The following CEP131 variants were observed in gnomAD, a reference collection of about 807,000 sequenced individuals.
CEP131 encodes the protein centrosomal protein of 131 kDa.
Under a neutral mutation model 136.8 loss-of-function variants are expected in CEP131, and 99 were observed. That is an observed-to-expected ratio of 0.72 (90% CI 0.62 to 0.86). CEP131 has a LOEUF of 0.86. Among genes scored for constraint, CEP131 ranks in the 40% least tolerant of loss-of-function variants. The probability of loss-of-function intolerance (pLI) is 0.00; values close to 1 mark genes in which losing one functional copy is unlikely to be tolerated. For synonymous variants in CEP131, 646 were observed against 612.7 expected, an observed-to-expected ratio of 1.05 and a Z score of -0.80; for missense variants, 1,459 against 1,463.0, an observed-to-expected ratio of 1.00 and a Z score of 0.04.
At chr17:81,198,824 A>G in intron 11 of CEP131, 53 bp downstream of exon 11, 4 of 1,515,730 alleles carry the variant, frequency 2.6e-6, no homozygotes, top group Non-Finnish European at 3.6e-6. Context: ...TGGCACAGAC[A>G]TGGCCCTTAA....
In CEP131 at chr17:81,195,124, T is replaced by G. The variant is rs560866471; in HGVS notation, c.2017-152A>C. The G allele has an allele frequency of 6.0e-4, 353 of 587,754 alleles. 1 individual carries two copies. Among genetic ancestry groups the G allele is most frequent in the South Asian group, 1.9e-3 (88 of 45,600 alleles). The allele number at this position is 587,754 out of a possible 1,614,324, so 36.4% of individuals were successfully genotyped here. A position where few individuals can be genotyped will look rare whatever the true frequency, so the allele number is the denominator to read the frequency against. On this transcript the variant is annotated intron_variant, in intron 16 of 25. Coordinates refer to ENST00000450824, the MANE Select transcript of CEP131 (RefSeq NM_014984.4). ...TGCTGCCCCGAGACAGAGCCACTGC[T>G]GCCCTCCCCAGCGCCCGGGGCCAGG...
chr17:81,220,998 GC>G (rs1198565861), intron 1 of CEP131, among the ~76,000 whole-genome samples: 1 of 151,548 alleles, frequency 6.6e-6, no homozygotes, highest in East Asian at 2.0e-4. Context: ...GGTGGCGAGC[GC>G]CTGTAATCCC....
chr17:81,208,961 G>C lies in CEP131; in HGVS notation c.239C>G (p.Thr80Arg). The change falls in exon 3 of 26, where the codon ACG becomes AGG. Residue 80 changes from threonine to arginine, a missense_variant. Thr to Arg is a moderately conservative substitution (Grantham distance 71). Around this residue, in one of 3 missense-constraint regions of CEP131, gnomAD observed 187 missense variants for 179.9 expected, o/e 1.04. Transcript: ENST00000450824. The surrounding 1 kb of genome is among the most constrained non-coding windows in gnomAD (Gnocchi z 5.6). ...INNLRRSNST[T>R]QVSQPRSGSP... ...GCCGCTCCGAGGCTGGCTGACCTGC[G>C]TGGTGCTGTTGGATCTTCTAAGGTT... 6.2e-7 allele frequency: 1 copy of C among 1,614,010 alleles called. No individual in the cohort carries two copies. The highest frequency in any genetic ancestry group is 8.5e-7 in the Non-Finnish European group (1 of 1,179,992).
intron 18 of CEP131, among the ~76,000 whole-genome samples, chr17:81,193,497 C>T (rs753487179): frequency 3.3e-5 from 5 of 152,182 alleles, no homozygotes; most frequent in Non-Finnish European, 7.4e-5. Context: ...GGGCTCAGGA[C>T]GCAAGAGCAG....
intron 2 of CEP131, among the ~76,000 whole-genome samples, chr17:81,211,275 G>A (rs1184279566): frequency 6.6e-6 from 1 of 152,238 alleles, no homozygotes; most frequent in Non-Finnish European, 1.5e-5. Context: ...AAGGTGTTCG[G>A]GAGGTCAGAA....
At chr17:81,212,047 G>A (rs1392419211) in intron 2 of CEP131, among the ~76,000 whole-genome samples, 1 of 152,092 alleles carries the variant, frequency 6.6e-6, no homozygotes, top group Non-Finnish European at 1.5e-5. Context: ...GGGTGCGGTG[G>A]CTCATGCCTG....
chr17:81,197,816 G>A lies in CEP131; in HGVS notation c.1543C>T (p.Pro515Ser). 1 of 1,613,300 alleles carries A rather than the reference G, an allele frequency of 6.2e-7. No homozygotes were observed. The highest frequency in any genetic ancestry group is 8.5e-7 in the Non-Finnish European group (1 of 1,179,956). ...TCCGATAGCAGCGTCCCATCCTCAGGAGGTTCGGGGAACGCACTGAGTTTT... is the reference window on the plus strand; with the variant it reads ...TCCGATAGCAGCGTCCCATCCTCAGAAGGTTCGGGGAACGCACTGAGTTTT... ...FGKLSAFPEP[P>S]EDGTLLSEAK... The change falls in exon 13 of 26, where the codon CCT (proline) becomes TCT (serine). Residue 515 changes from proline to serine, a missense_variant. Physicochemically the swap from Pro to Ser is moderately conservative, Grantham distance 74 (BLOSUM62 -1). Around this residue, in one of 3 missense-constraint regions of CEP131, gnomAD observed 1,026 missense variants for 964.2 expected, o/e 1.06. Transcript: ENST00000450824.
chr17:81,220,818 A>G (rs2062370784), intron 1 of CEP131, among the ~76,000 whole-genome samples: 1 of 151,128 alleles, frequency 6.6e-6, no homozygotes, highest in Admixed American at 6.6e-5. Context: ...AAAAATACAC[A>G]TTTTAAAAAG....
At chr17:81,209,118 A>C (rs1185103786) in intron 2 of CEP131, 96 bp from the exon 3 acceptor site, 4 of 919,988 alleles carry the variant, frequency 4.3e-6, no homozygotes, top group East Asian at 2.6e-5. Context: ...GTCAGAGAAC[A>C]GAGGGGTGGC....
At chr17:81,193,422 G>A (rs968496270) in intron 18 of CEP131, among the ~76,000 whole-genome samples, 1 of 152,172 alleles carries the variant, frequency 6.6e-6, no homozygotes, top group African/African-American at 2.4e-5. Context: ...CAGTGCAGGA[G>A]GGGCTGCCAC....
In CEP131 at chr17:81,191,311, G is replaced by A. The variant is rs770735063; in HGVS notation, c.2647C>T (p.Gln883Ter). The part of the protein sequence containing the change: ...KEEAWLLNRE[Q>*]ELREEIRKGR... ...TTCCGGATTTCTTCCCTCAGCTCCTGTTCCCGGTTCAGCAGCCACGCCTCC... is the reference window on the plus strand; with the variant it reads ...TTCCGGATTTCTTCCCTCAGCTCCTATTCCCGGTTCAGCAGCCACGCCTCC... The change falls in exon 22 of 26, where the codon CAG (glutamine) becomes TAG (stop). Residue 883 changes from glutamine (Q) to a stop codon, truncating the protein, a stop_gained. Transcript: ENST00000450824. LOFTEE classifies it high-confidence loss of function. The A allele has an allele frequency of 1.2e-6, 2 of 1,613,072 alleles. No individual in the cohort carries two copies. Among genetic ancestry groups the A allele is most frequent in the East Asian group, 2.2e-5 (1 of 44,878 alleles).
chr17:81,205,970 C>T (rs769740321), intron 5 of CEP131, among the ~76,000 whole-genome samples: 8 of 152,094 alleles, frequency 5.3e-5, no homozygotes, highest in Non-Finnish European at 1.2e-4. Flanking sequence ...CTTTGGGAGG[C>T]CAAGGCGGGT....
At chr17:81,213,377 T>G (rs2146702619) in intron 2 of CEP131, among the ~76,000 whole-genome samples, 2 of 152,212 alleles carry the variant, frequency 1.3e-5, no homozygotes, top group Middle Eastern at 6.8e-3. Flanking sequence ...CTGGCCAACA[T>G]GGTGAAACCC....
chr17:81,206,964 T>C, intron 4 of CEP131, 93 bp from the exon 5 acceptor site: 1 of 1,551,562 alleles, frequency 6.4e-7, no homozygotes, highest in Non-Finnish European at 8.7e-7. Context: ...AGCCACCAAC[T>C]TCCCATACAG....
In CEP131 at chr17:81,196,953, T is replaced by C. The variant is rs1177808098; in HGVS notation, c.1750A>G (p.Met584Val). 6.2e-7 allele frequency: 1 copy of C among 1,609,206 alleles called. No individual in the cohort carries two copies. Among genetic ancestry groups the C allele is most frequent in the Non-Finnish European group, 8.5e-7 (1 of 1,178,360 alleles). ...ACCAGCGCTCTCTGCAGCAGCAGCATGGCCTGCTTCTTCTCCTCCACCTCC... is the reference window on the plus strand; with the variant it reads ...ACCAGCGCTCTCTGCAGCAGCAGCACGGCCTGCTTCTTCTCCTCCACCTCC... The part of the protein sequence containing the change: ...KLEVEEKKQA[M>V]LLLQRALAQQ... The change falls in exon 14 of 26, where the codon ATG (methionine) becomes GTG (valine). Residue 584 changes from methionine (M) to valine (V), a missense_variant. This residue lies in a region of CEP131 where 1,026 missense variants were observed against 964.2 expected (regional missense o/e 1.06). Coordinates refer to ENST00000450824, the MANE Select transcript of CEP131 (RefSeq NM_014984.4).
chr17:81,207,818 G>A (rs1361038344), intron 3 of CEP131, among the ~76,000 whole-genome samples: 1 of 81,688 alleles, frequency 1.2e-5, no homozygotes, highest in Admixed American at 1.4e-4. Flanking sequence ...CCACAGCTGC[G>A]CCGAACACAA....
intron 17 of CEP131, among the ~76,000 whole-genome samples, chr17:81,194,333 G>A (rs1256176360): frequency 6.6e-6 from 1 of 152,180 alleles, no homozygotes; most frequent in Non-Finnish European, 1.5e-5. Context: ...CTCCCAGCCT[G>A]TGGGGCTCAG....
Position 81,194,927 on chromosome 17 carries a change from G to C in CEP131, c.2062C>G (p.Arg688Gly). The change falls in exon 17 of 26, where the codon CGC becomes GGC. Residue 688 changes from arginine (R) to glycine (G), a missense_variant. Around this residue, in one of 3 missense-constraint regions of CEP131, gnomAD observed 1,026 missense variants for 964.2 expected, o/e 1.06. Transcript: ENST00000450824. The part of the protein sequence containing the change: ...KELMSATEKA[R>G]REKWISEKTK... ...TTCTCACTGATCCACTTCTCCCGGC[G>C]GGCTTTCTCGGTGGCGCTCATTAAT... The C allele has an allele frequency of 6.2e-7, 1 of 1,613,268 alleles. No homozygotes were observed. The highest frequency in any genetic ancestry group is 8.5e-7 in the Non-Finnish European group (1 of 1,179,956).
intron 15 of CEP131, 98 bp downstream of exon 15, chr17:81,196,603 A>C: frequency 6.7e-7 from 1 of 1,484,426 alleles, no homozygotes; most frequent in Non-Finnish European, 8.9e-7. Context: ...GACACCCAAC[A>C]GAGGAAGAAG....
Sources: gnomAD v4.1 joint callset for allele counts (sites outside exome capture counted in the v4.1 genomes callset) on GRCh38, gnomAD v4.1.1 for gene constraint, gnomAD v4.1.1 regional missense constraint, Gnocchi (gnomAD v3.1) non-coding constraint, MANE v1.5 for transcripts, NCBI Gene and HGNC (gene_info 2026-07-23, HGNC 2026-07-21) for gene names.